Variants in TTC12 observed in about 807,000 individuals in gnomAD.
The protein encoded by TTC12 is tetratricopeptide repeat protein 12.
A neutral mutation model predicts 90.1 loss-of-function variants in TTC12; 70 were observed. The ratio of observed to expected loss-of-function variants is 0.78; its 90% CI spans 0.64 to 0.95. The LOEUF is 0.95. Ranked by LOEUF, TTC12 falls within the 40% of genes least tolerant of loss-of-function variation. The pLI is 0.00. For synonymous variants in TTC12, 296 were observed against 311.5 expected, an observed-to-expected ratio of 0.95 and a Z score of 0.53; for missense variants, 819 against 846.1, an observed-to-expected ratio of 0.97 and a Z score of 0.40.
chr11:113,341,976 A>T, intron 12 of TTC12, 51 bp downstream of exon 12: 1 of 1,501,588 alleles, frequency 6.7e-7, no homozygotes, highest in Non-Finnish European at 9.3e-7. Context: ...GCGTGCAGGA[A>T]CTACGCTGTT....
intron 19 of TTC12, among the ~76,000 whole-genome samples, chr11:113,363,552 C>T (rs1189344502): frequency 4.6e-5 from 7 of 152,164 alleles, no homozygotes; most frequent in African/African-American, 1.7e-4. Flanking sequence ...TCTTCTCAGC[C>T]ACTTGCTCAT....
intron 6 of TTC12, among the ~76,000 whole-genome samples, chr11:113,326,285 G>T (rs1374160516): frequency 6.6e-6 from 1 of 152,168 alleles, no homozygotes; most frequent in African/African-American, 2.4e-5. Flanking sequence ...TAGGCTGATA[G>T]CTCTCAACTG....
chr11:113,341,923 A>G lies in TTC12; in HGVS notation c.983A>G (p.Asn328Ser), dbSNP rs1306835751. The G allele has an allele frequency of 2.5e-6, 4 of 1,613,552 alleles. No individual in the cohort carries two copies. The African/African-American group carries it at 4.0e-5, about 16-fold the overall frequency. The change falls in exon 12 of 22, where the codon AAC becomes AGC. Residue 328 changes from asparagine to serine, a missense_variant and splice_region_variant. Coordinates refer to ENST00000529221, the MANE Select transcript of TTC12 (RefSeq NM_017868.4). ...CTCTGGCAAGCAGTGTGCAGCAGGAACGGTAAGCCTGGGTAATCACCGTTG... is the reference window on the plus strand; with the variant it reads ...CTCTGGCAAGCAGTGTGCAGCAGGAGCGGTAAGCCTGGGTAATCACCGTTG... ...LKLWQAVCSR[N>S]EENQRVLVIH...
intron 16 of TTC12, among the ~76,000 whole-genome samples, chr11:113,357,256 G>A (rs920641733): frequency 6.6e-6 from 1 of 152,128 alleles, no homozygotes; most frequent in African/African-American, 2.4e-5. Flanking sequence ...AATTCTTGTA[G>A]TGTGGTTTTT....
At chr11:113,365,275 C>T (rs914227127) in intron 21 of TTC12, among the ~76,000 whole-genome samples, 9 of 152,268 alleles carry the variant, frequency 5.9e-5, no homozygotes, top group Non-Finnish European at 1.0e-4. Flanking sequence ...GAGAGGGAAT[C>T]GGCTTGTCTG....
chr11:113,319,673 T>C (rs1947171772), intron 2 of TTC12, among the ~76,000 whole-genome samples: 1 of 145,534 alleles, frequency 6.9e-6, no homozygotes, highest in South Asian at 2.3e-4. Flanking sequence ...AAGAAAACTC[T>C]GCAGGAAAAA....
At chr11:113,344,785 G>C (rs1200510367) in intron 13 of TTC12, among the ~76,000 whole-genome samples, 2 of 152,150 alleles carry the variant, frequency 1.3e-5, no homozygotes, top group African/African-American at 4.8e-5. Flanking sequence ...CCTGCCATTC[G>C]TTTTCTTCTT....
At chr11:113,338,666 G>A (rs899997846) in intron 8 of TTC12, 108 bp from the exon 9 acceptor site, 8 of 768,200 alleles carry the variant, frequency 1.0e-5, no homozygotes, top group Non-Finnish European at 1.8e-5. Flanking sequence ...GGGAGCAGGA[G>A]GAGGTGAGGA....
chr11:113,334,952 T>C lies in TTC12; in HGVS notation c.505-14T>C. On this transcript the variant is annotated splice_polypyrimidine_tract_variant and intron_variant, in intron 7 of 21. Coordinates refer to ENST00000529221, the MANE Select transcript of TTC12 (RefSeq NM_017868.4). ...TCTTCTAAAACTTCTGATCAGTCAT[T>C]CTCTTTTATGCAGTGTGATGAAAAA... is the stretch of plus-strand genomic sequence containing the variant. 6.2e-7 allele frequency: 1 copy of C among 1,609,868 alleles called. No homozygotes were observed. The highest frequency in any genetic ancestry group is 1.3e-5 in the African/African-American group (1 of 74,974).
intron 10 of TTC12, 72 bp downstream of exon 10, chr11:113,339,546 C>T: frequency 1.5e-6 from 2 of 1,365,420 alleles, no homozygotes; most frequent in South Asian, 1.4e-5. Flanking sequence ...TCTGCCTTTA[C>T]CAGGCCAAGA....
chr11:113,370,225 G>C (rs1250844877), downstream of TTC12, among the ~76,000 whole-genome samples: 1 of 152,262 alleles, frequency 6.6e-6, no homozygotes, highest in Non-Finnish European at 1.5e-5. Context: ...TTTGCAAACA[G>C]ATACTCCTCT....
chr11:113,358,672 C>T (rs1216909783), intron 16 of TTC12, among the ~76,000 whole-genome samples: 2 of 152,198 alleles, frequency 1.3e-5, no homozygotes, highest in African/African-American at 4.8e-5. Flanking sequence ...GACACTTCTA[C>T]GCCCAACCCT....
chr11:113,314,755 G>C (rs1441112977), intron 1 of TTC12, 137 bp downstream of exon 1: 2 of 149,358 alleles, frequency 1.3e-5, no homozygotes, highest in African/African-American at 5.0e-5. Flanking sequence ...CTGCGGTCTG[G>C]GACCTGCATG....
intron 21 of TTC12, chr11:113,371,661 G>C (rs574860698): frequency 6.6e-6 from 1 of 152,306 alleles, no homozygotes; most frequent in East Asian, 1.9e-4. Context: ...GGTCCAGAGT[G>C]GGGTAGGGAC....
intron 16 of TTC12, among the ~76,000 whole-genome samples, chr11:113,354,874 G>C (rs534462870): frequency 6.6e-5 from 10 of 150,762 alleles, no homozygotes; most frequent in African/African-American, 2.5e-4. Context: ...TTTTGTTGAG[G>C]ATATTTGCAT....
At chr11:113,365,785 A>T (rs1950172347) in intron 21 of TTC12, among the ~76,000 whole-genome samples, 1 of 152,218 alleles carries the variant, frequency 6.6e-6, no homozygotes, top group Non-Finnish European at 1.5e-5. Context: ...CTTCCCTTAC[A>T]TCCACATGCC....
intron 7 of TTC12, among the ~76,000 whole-genome samples, chr11:113,331,837 G>A (rs1293721095): frequency 3.9e-5 from 6 of 152,166 alleles, no homozygotes; most frequent in African/African-American, 1.2e-4. Context: ...AATGCCCAGC[G>A]AGGCTCCCAG....
chr11:113,358,331 G>A (rs1169916168), intron 16 of TTC12, among the ~76,000 whole-genome samples: 1 of 152,178 alleles, frequency 6.6e-6, no homozygotes, highest in Non-Finnish European at 1.5e-5. Context: ...GGGCCCAGGG[G>A]AAGCTGCAGT....
chr11:113,334,980 C>T lies in TTC12; in HGVS notation c.519C>T (p.Cys173=). The T allele has an allele frequency of 6.2e-7, 1 of 1,613,692 alleles. No individual in the cohort carries two copies. Among genetic ancestry groups the T allele is most frequent in the Non-Finnish European group, 8.5e-7 (1 of 1,179,690 alleles). Residue 173 remains cysteine (C), a synonymous_variant, in exon 8 of 22, where the codon TGC becomes TGT. Coordinates refer to ENST00000529221, the MANE Select transcript of TTC12 (RefSeq NM_017868.4). ...CEWALKCDEK[C]TKAYFHMGKA... ...CTTTTATGCAGTGTGATGAAAAATGCACAAAAGCATATTTTCACATGGGAA... is the reference window on the plus strand; with the variant it reads ...CTTTTATGCAGTGTGATGAAAAATGTACAAAAGCATATTTTCACATGGGAA...
Sources: gnomAD v4.1 joint callset for allele counts (sites outside exome capture counted in the v4.1 genomes callset) on GRCh38, gnomAD v4.1.1 for gene constraint, MANE v1.5 for transcripts, NCBI Gene and HGNC (gene_info 2026-07-23, HGNC 2026-07-21) for gene names.